Variants in MLXIP observed in about 807,000 individuals in gnomAD.
MLXIP encodes MLX interacting protein, also known as MLX-interacting protein.
In MLXIP, 30 loss-of-function variants were observed where a neutral mutation model predicts 87.2. The observed-to-expected ratio is 0.34, with a 90% CI of 0.26 to 0.47. The LOEUF is 0.47. MLXIP is among the 20% of genes least tolerant of loss of function. The pLI, the probability that MLXIP is intolerant of heterozygous loss-of-function variation, is 1.00. For synonymous variants in MLXIP, 530 were observed against 514.0 expected (o/e 1.03, Z -0.42); for missense variants, 1,002 against 1,240.1 (o/e 0.81, Z 2.88).
chr12:122,095,938 C>T (rs943177534), intron 1 of MLXIP, among the ~76,000 whole-genome samples: 254 of 152,108 alleles, frequency 1.7e-3, no homozygotes, highest in Middle Eastern at 6.8e-3. Flanking sequence ...GATCTCAGCT[C>T]ACTGCAACCT....
chr12:122,121,010 G>GTTTTTTTTTTGTTTTTTTTT (rs1952772165), intron 1 of MLXIP, among the ~76,000 whole-genome samples: 2 of 111,910 alleles, frequency 1.8e-5, no homozygotes, highest in African/African-American at 7.3e-5. Context: ...TGCATGCTTG[G>GTTTTTTTTTTGTTTTTTTTT]TTTTTTTTTT....
At chr12:122,103,198 T>C (rs1349802899) in intron 1 of MLXIP, among the ~76,000 whole-genome samples, 21 of 63,652 alleles carry the variant, frequency 3.3e-4, no homozygotes, top group Non-Finnish European at 4.6e-4. Context: ...TATGTATGTA[T>C]GTATTTATTT....
chr12:122,080,139 C>T (rs1952070374), intron 1 of MLXIP, among the ~76,000 whole-genome samples: 1 of 152,198 alleles, frequency 6.6e-6, no homozygotes, highest in Non-Finnish European at 1.5e-5. Flanking sequence ...CTCCCTTTCC[C>T]ACTATGAATA....
At position 122,106,440 on chromosome 12, in the gene MLXIP, ATTGTCACTGTG is replaced by A. The variant is rs570934538; in HGVS notation, c.414-20805_414-20795del. Among the ~76,000 whole-genome samples, 390 of 152,122 alleles carry A rather than the reference ATTGTCACTGTG, an allele frequency of 2.6e-3. 3 individuals carry two copies. Among genetic ancestry groups the A allele is most frequent in the African/African-American group, 8.9e-3 (370 of 41,472 alleles). ...TCCTGAGGGCAGAGCCAGGGATGGC[ATTGTCACTGTG>A]TTGTCACTGTCTGTGCAGAGCCTGA... On this transcript the variant is annotated intron_variant, in intron 1 of 16. Transcript: ENST00000319080.
Position 122,141,056 on chromosome 12 carries a change from C to T in MLXIP, c.2611C>T (p.His871Tyr), listed in dbSNP as rs1953192916. The T allele has an allele frequency of 6.2e-7, 1 of 1,612,666 alleles. No individual in the cohort carries two copies. The highest frequency in any genetic ancestry group is 8.5e-7 in the Non-Finnish European group (1 of 1,179,684). ...GACGGCGCTCTCCTGGCTGGACCAG[C>T]ACTGCTCCCTGCCCATCCTCAGGCC... ...HRTALSWLDQ[H>Y]CSLPILRPMV... is the part of the protein sequence containing the mutation. The change falls in exon 16 of 17, where the codon CAC becomes TAC. Residue 871 changes from histidine to tyrosine, a missense_variant. His to Tyr is a moderately conservative substitution (Grantham distance 83, BLOSUM62 2). This residue lies in a region of MLXIP where 746 missense variants were observed against 897.0 expected (regional missense o/e 0.83). Coordinates refer to ENST00000319080, the MANE Select transcript of MLXIP (RefSeq NM_014938.6).
intron 9 of MLXIP, chr12:122,134,526 C>CCCAGCTAATT (rs982459483): frequency 6.4e-5 from 10 of 157,306 alleles, no homozygotes; most frequent in African/African-American, 2.2e-4. Context: ...CATCACTACA[C>CCCAGCTAATT]CCAGCTAATT....
rs564445294 is a variant in MLXIP at position 122,131,015 on chromosome 12, A to G, written c.1000+82A>G. 12 of 932,738 alleles carry G rather than the reference A, an allele frequency of 1.3e-5. No homozygotes were observed. The Middle Eastern group carries it at 8.8e-4, about 68-fold the overall frequency. 57.8% of individuals were successfully genotyped at this position (932,738 alleles called of 1,614,324 possible). A position where few individuals can be genotyped will look rare whatever the true frequency, so the allele number is the denominator to read the frequency against. On this transcript the variant is annotated intron_variant, in intron 7 of 16. Transcript: ENST00000319080. Reference sequence around the variant, plus strand: ...GAGCAGATCGCTGCCTTCCTTTAAGAGGCGAGACTTGGTAGAATGGGCAAG... The same window carrying G: ...GAGCAGATCGCTGCCTTCCTTTAAGGGGCGAGACTTGGTAGAATGGGCAAG...
intron 1 of MLXIP, among the ~76,000 whole-genome samples, chr12:122,119,173 A>C (rs1201068074): frequency 1.3e-5 from 2 of 149,982 alleles, no homozygotes; most frequent in African/African-American, 5.0e-5. Flanking sequence ...GTCTCAAAAA[A>C]ACAAACAAAA....
At chr12:122,116,572 C>T (rs920543338) in intron 1 of MLXIP, among the ~76,000 whole-genome samples, 1 of 152,218 alleles carries the variant, frequency 6.6e-6, no homozygotes, top group Non-Finnish European at 1.5e-5. Context: ...GTTTACTCTT[C>T]TGGCGAGGAA....
intron 1 of MLXIP, among the ~76,000 whole-genome samples, chr12:122,082,738 A>G (rs183601529): frequency 9.2e-5 from 14 of 152,346 alleles, no homozygotes; most frequent in African/African-American, 3.1e-4. Flanking sequence ...AGGCTCTACA[A>G]TGGAGCTATG....
chr12:122,126,422 C>T (rs1033744067), intron 1 of MLXIP, among the ~76,000 whole-genome samples: 1 of 152,114 alleles, frequency 6.6e-6, no homozygotes, highest in Admixed American at 6.5e-5. Flanking sequence ...TGGGAGAGGC[C>T]AGGCCAGCTC....
chr12:122,140,834 T>C (rs761324036), intron 15 of MLXIP, 120 bp from the exon 16 acceptor site: 98 of 1,480,854 alleles, frequency 6.6e-5, no homozygotes, highest in Non-Finnish European at 8.6e-5. Flanking sequence ...CAGTGATCCA[T>C]TCTCTGTGGG....
chr12:122,102,974 A>C (rs1952458289), intron 1 of MLXIP, among the ~76,000 whole-genome samples: 1 of 152,218 alleles, frequency 6.6e-6, no homozygotes, highest in Non-Finnish European at 1.5e-5. Flanking sequence ...TGGCAGTTGC[A>C]TAGCTCTCTG....
intron 1 of MLXIP, among the ~76,000 whole-genome samples, chr12:122,086,881 C>T (rs1378982096): frequency 1.3e-5 from 2 of 152,170 alleles, no homozygotes; most frequent in Admixed American, 6.5e-5. Context: ...GACTGACTCT[C>T]ACAGGCCAGC....
At chr12:122,129,073 A>G (rs1565981710) in intron 3 of MLXIP, 64 bp from the exon 4 acceptor site, 7 of 1,347,020 alleles carry the variant, frequency 5.2e-6, no homozygotes, top group Admixed American at 2.0e-5. Context: ...TACTCAGTAC[A>G]CCAGTTGAGC....
chr12:122,129,273 C>T, intron 4 of MLXIP, 47 bp downstream of exon 4: 1 of 1,516,230 alleles, frequency 6.6e-7, no homozygotes, highest in Non-Finnish European at 9.0e-7. Context: ...AGGGAGTGGG[C>T]AGAGTCCCTG....
chr12:122,130,284 C>A, intron 6 of MLXIP, 172 bp downstream of exon 6: 1 of 243,198 alleles, frequency 4.1e-6, no homozygotes, highest in Non-Finnish European at 6.6e-6. Context: ...CCAGGCCGCA[C>A]GTACCGAGTG....
intron 1 of MLXIP, among the ~76,000 whole-genome samples, chr12:122,114,736 T>TC: frequency 8.4e-6 from 1 of 119,336 alleles, no homozygotes. Context: ...GAAGGTGACT[T>TC]CTTTTTTTTT....
At chr12:122,092,938 GT>G (rs1952269102) in intron 1 of MLXIP, among the ~76,000 whole-genome samples, 2 of 57,736 alleles carry the variant, frequency 3.5e-5, no homozygotes, top group Non-Finnish European at 7.2e-5. Context: ...GGTGTGGTGT[GT>G]GTGGTATGTT....
Sources: gnomAD v4.1 joint callset for allele counts (sites outside exome capture counted in the v4.1 genomes callset) on GRCh38, gnomAD v4.1.1 for gene constraint, gnomAD v4.1.1 regional missense constraint, MANE v1.5 for transcripts, NCBI Gene and HGNC (gene_info 2026-07-23, HGNC 2026-07-21) for gene names.